The following OSMR variants were observed in gnomAD, a reference collection of about 807,000 sequenced individuals.
OSMR encodes the protein oncostatin M receptor.
In OSMR, 81 loss-of-function variants were observed where a neutral mutation model predicts 99.9. The observed-to-expected ratio is 0.81, with a 90% CI of 0.68 to 0.97. The LOEUF is 0.97. OSMR is among the 50% of genes least tolerant of loss of function. The pLI, the probability that OSMR is intolerant of heterozygous loss-of-function variation, is 0.00. For missense variants in OSMR, 1,099 were observed against 1,153.4 expected (o/e 0.95, Z 0.68); for synonymous variants, 406 against 410.4 (o/e 0.99, Z 0.13).
intron 15 of OSMR, among the ~76,000 whole-genome samples, chr5:38,930,896 G>A (rs1746697213): frequency 6.6e-6 from 1 of 151,142 alleles, no homozygotes; most frequent in Non-Finnish European, 1.5e-5. Flanking sequence ...AGGTTTAATG[G>A]GAAGATGCCC....
At chr5:38,916,799 G>A (rs1193868131) in intron 9 of OSMR, among the ~76,000 whole-genome samples, 2 of 152,192 alleles carry the variant, frequency 1.3e-5, no homozygotes, top group African/African-American at 4.8e-5. Flanking sequence ...TTTGAAGTTC[G>A]GTTTTTATTC....
chr5:38,892,449 T>C (rs1407735040), intron 7 of OSMR, among the ~76,000 whole-genome samples: 2 of 152,136 alleles, frequency 1.3e-5, no homozygotes, highest in African/African-American at 4.8e-5. Context: ...TCATACATGT[T>C]GTCCTGTGGG....
chr5:38,863,217 G>A (rs1434666231), intron 1 of OSMR, among the ~76,000 whole-genome samples: 1 of 94,324 alleles, frequency 1.1e-5, no homozygotes, highest in Non-Finnish European at 2.3e-5. Context: ...GGGGGAGGGG[G>A]AGGGGGAGAG....
At chr5:38,923,280 C>G (rs760534658) in intron 13 of OSMR, 26 bp downstream of exon 13, 1 of 1,344,754 alleles carries the variant, frequency 7.4e-7, no homozygotes, top group Admixed American at 1.7e-5. Context: ...GTAATGTGCC[C>G]CATGTGCAGA....
intron 12 of OSMR, among the ~76,000 whole-genome samples, chr5:38,922,619 A>G (rs1441491396): frequency 9.2e-5 from 14 of 152,160 alleles, no homozygotes; most frequent in Admixed American, 9.2e-4. Flanking sequence ...TGCAGAGGCC[A>G]GTCCCTGCAG....
rs545418512 is a variant in OSMR at position 38,882,950 on chromosome 5, T to A, written c.419-877T>A. Among the ~76,000 whole-genome samples the A allele has an allele frequency of 7.2e-5, 11 of 152,236 alleles. No individual in the cohort carries two copies. In the South Asian group the frequency reaches 2.3e-3, roughly 32 times the overall value. ...AACCCAGACAGTCTGGCTCCAGAGG[T>A]CATGTGCTTAACTATTACATCCTAC... On this transcript the variant is annotated intron_variant, in intron 4 of 17. Coordinates refer to ENST00000274276, the MANE Select transcript of OSMR (RefSeq NM_003999.3).
intron 7 of OSMR, among the ~76,000 whole-genome samples, chr5:38,894,007 A>T (rs1039026388): frequency 1.5e-4 from 23 of 152,238 alleles, no homozygotes; most frequent in African/African-American, 4.8e-4. Flanking sequence ...GCCAGAAGAG[A>T]TTGAGGGTCT....
intron 7 of OSMR, among the ~76,000 whole-genome samples, chr5:38,903,181 ACT>A (rs2112535654): frequency 6.6e-6 from 1 of 152,280 alleles, no homozygotes; most frequent in South Asian, 2.1e-4. Context: ...GACAGAATAC[ACT>A]CATACACAAC....
intron 9 of OSMR, among the ~76,000 whole-genome samples, chr5:38,906,124 C>A (rs1351752725): frequency 3.3e-5 from 5 of 151,634 alleles, no homozygotes; most frequent in Admixed American, 1.3e-4. Flanking sequence ...GCATTTTCCT[C>A]AGTGTGTTTT....
At chr5:38,864,024 C>G (rs148377235) in intron 1 of OSMR, among the ~76,000 whole-genome samples, 1 of 152,106 alleles carries the variant, frequency 6.6e-6, no homozygotes. Context: ...TATCCCTTCA[C>G]TTTCAGTCTA....
At position 38,904,493 on chromosome 5, in the gene OSMR, A is replaced by C; in HGVS notation, c.1275A>C (p.Thr425=). ...AATGGAGTGGTCAGAACTTCACCAC[A>C]CTTGAAGCTGGTATGTTCAGCCCCT... The part of the protein sequence containing the change: ...WSEWSGQNFT[T]LEAAPSEAPD... Residue 425 remains threonine (T), a synonymous_variant, in exon 9 of 18, where the codon ACA becomes ACC. Coordinates refer to ENST00000274276, the MANE Select transcript of OSMR (RefSeq NM_003999.3). The C allele has an allele frequency of 6.2e-7, 1 of 1,614,180 alleles. No individual in the cohort carries two copies. The highest frequency in any genetic ancestry group is 8.5e-7 in the Non-Finnish European group (1 of 1,180,046).
intron 11 of OSMR, 127 bp from the exon 12 acceptor site, chr5:38,921,488 A>G: frequency 6.5e-7 from 1 of 1,529,906 alleles, no homozygotes; most frequent in Non-Finnish European, 8.8e-7. Context: ...AGCACCTGTA[A>G]CTATTGAAGT....
intron 7 of OSMR, among the ~76,000 whole-genome samples, chr5:38,890,248 C>T (rs370695446): frequency 6.6e-6 from 1 of 152,088 alleles, no homozygotes; most frequent in Non-Finnish European, 1.5e-5. Flanking sequence ...AGTGCAGAAT[C>T]GCAGGCCCCG....
intron 8 of OSMR, 40 bp from the exon 9 acceptor site, chr5:38,904,313 T>TTTTCTC: frequency 6.3e-7 from 1 of 1,594,946 alleles, no homozygotes. Flanking sequence ...TGTCTTGTTC[T>TTTTCTC]TTTCTCTTTT....
intron 7 of OSMR, among the ~76,000 whole-genome samples, chr5:38,891,489 C>T (rs925231699): frequency 5.9e-5 from 9 of 152,204 alleles, no homozygotes; most frequent in African/African-American, 1.7e-4. Context: ...CCATGGAGAA[C>T]AGAGATGAGC....
At chr5:38,884,189 A>G (rs1298181737) in intron 5 of OSMR, 78 bp downstream of exon 5, 4 of 1,139,656 alleles carry the variant, frequency 3.5e-6, no homozygotes, top group South Asian at 2.5e-5. Flanking sequence ...TAGAAGACAA[A>G]TAAACATTTC....
chr5:38,883,680 T>C (rs2112385108), intron 4 of OSMR, 147 bp from the exon 5 acceptor site: 1 of 1,523,258 alleles, frequency 6.6e-7, no homozygotes, highest in African/African-American at 1.4e-5. Flanking sequence ...CACCAGAGGG[T>C]AGAGGTTTGG....
chr5:38,940,708 G>T (rs151330526), intron 1 of OSMR: 2,466 of 232,718 alleles, frequency 0.011, 22 homozygotes, highest in Non-Finnish European at 0.015. Flanking sequence ...AGTCAAAGAG[G>T]TGTTATGAAG....
intron 15 of OSMR, among the ~76,000 whole-genome samples, chr5:38,929,397 A>G (rs1417038558): frequency 6.6e-6 from 1 of 152,182 alleles, no homozygotes; most frequent in Non-Finnish European, 1.5e-5. Context: ...ACCAACTGTA[A>G]TTTGTGTTTT....
Sources: allele counts gnomAD v4.1 joint callset (sites outside exome capture counted in the v4.1 genomes callset), GRCh38; gene constraint gnomAD v4.1.1; transcripts MANE v1.5; gene names NCBI Gene and HGNC (gene_info 2026-07-23, HGNC 2026-07-21).